The following SLC7A11 variants were observed in gnomAD, a reference collection of about 807,000 sequenced individuals.
SLC7A11 encodes the protein solute carrier family 7 member 11.
In SLC7A11, 35 loss-of-function variants were observed where a neutral mutation model predicts 54.5. That is an observed-to-expected ratio of 0.64 (90% CI 0.49 to 0.85). The LOEUF (loss-of-function observed/expected upper bound fraction) is 0.85. SLC7A11 is among the 40% of genes least tolerant of loss of function. The pLI is 0.00. For missense variants in SLC7A11, 583 were observed against 618.1 expected, an observed-to-expected ratio of 0.94 and a Z score of 0.60; for synonymous variants, 230 against 225.2, an observed-to-expected ratio of 1.02 and a Z score of -0.19.
At chr4:138,181,373 G>T (rs1437531808) in intron 9 of SLC7A11, among the ~76,000 whole-genome samples, 3 of 152,002 alleles carry the variant, frequency 2.0e-5, no homozygotes, top group Admixed American at 6.6e-5. Flanking sequence ...CCACGGAGAA[G>T]AATGAAGCGC....
chr4:138,204,732 A>C (rs1737366948), intron 6 of SLC7A11, among the ~76,000 whole-genome samples: 1 of 88,000 alleles, frequency 1.1e-5, no homozygotes, highest in South Asian at 3.5e-4. Flanking sequence ...GTTAAGAAGA[A>C]AAAAAAAAAT....
chr4:138,236,983 CTTTTTT>C (rs34896335), intron 1 of SLC7A11, among the ~76,000 whole-genome samples: 2 of 111,920 alleles, frequency 1.8e-5, no homozygotes, highest in African/African-American at 3.5e-5. Context: ...TGCAAGATTT[CTTTTTT>C]TTTTTTTTTT....
In SLC7A11 at chr4:138,168,185, C is replaced by T. The variant is rs888179276; in HGVS notation, c.*3771G>A. 6.6e-6 allele frequency: 1 copy of T among 152,156 alleles called. No individual in the cohort carries two copies. The highest frequency in any genetic ancestry group is 2.4e-5 in the African/African-American group (1 of 41,440). The allele number at this position is 152,156 out of a possible 1,614,324, so 9.4% of individuals were successfully genotyped here. ...CAAAATTAGTACAGAATTCCTAATACAAAGTTAGGTTCAGGACCTCGAATG... is the reference window on the plus strand; with the variant it reads ...CAAAATTAGTACAGAATTCCTAATATAAAGTTAGGTTCAGGACCTCGAATG... On this transcript the variant is annotated 3_prime_UTR_variant, in exon 12 of 12. Coordinates refer to ENST00000280612, the MANE Select transcript of SLC7A11 (RefSeq NM_014331.4).
Position 138,170,329 on chromosome 4 carries a change from T to G in SLC7A11, c.*1627A>C, listed in dbSNP as rs1288552489. On this transcript the variant is annotated 3_prime_UTR_variant, in exon 12 of 12. Transcript: ENST00000280612. ...ATATATATATATATATAATCTTTTT[T>G]TTTTGGAGATGGAGTCTGACTTTGT... 1.4e-5 allele frequency: 2 copies of G among 145,838 alleles called. No individual in the cohort carries two copies. The highest frequency in any genetic ancestry group is 5.0e-5 in the African/African-American group (2 of 39,718). 9.0% of individuals were successfully genotyped at this position (145,838 alleles called of 1,614,324 possible). A position where few individuals can be genotyped will look rare whatever the true frequency, so the allele number is the denominator to read the frequency against.
intron 10 of SLC7A11, 57 bp downstream of exon 10, chr4:138,180,584 G>T (rs1736712110): frequency 2.6e-6 from 4 of 1,538,108 alleles, no homozygotes; most frequent in East Asian, 4.7e-5. Context: ...ATGACAAAGG[G>T]AGGACTAGGT....
At chr4:138,199,492 G>A (rs916822436) in intron 6 of SLC7A11, among the ~76,000 whole-genome samples, 4 of 151,984 alleles carry the variant, frequency 2.6e-5, no homozygotes, top group African/African-American at 7.2e-5. Flanking sequence ...TTGTGTTCCC[G>A]TCATTTAAAA....
intron 4 of SLC7A11, among the ~76,000 whole-genome samples, chr4:138,221,272 G>A (rs1244087694): frequency 6.6e-6 from 1 of 152,256 alleles, no homozygotes; most frequent in African/African-American, 2.4e-5. Context: ...TATAACAGAG[G>A]TCTCATGAAG....
In SLC7A11 at chr4:138,165,585, T is replaced by G. The variant is rs974236210; in HGVS notation, c.*6371A>C. ...TGCAAAGTTCCCAAATGTTGAGAAG[T>G]TCTAGTGAAAAGTCATACTATTGTG... On this transcript the variant is annotated 3_prime_UTR_variant, in exon 12 of 12. Coordinates refer to ENST00000280612, the MANE Select transcript of SLC7A11 (RefSeq NM_014331.4). 2 of 152,124 alleles carry G rather than the reference T, an allele frequency of 1.3e-5. No homozygotes were observed. The highest frequency in any genetic ancestry group is 4.8e-5 in the African/African-American group (2 of 41,436). 9.4% of individuals were successfully genotyped at this position (152,124 alleles called of 1,614,324 possible).
intron 6 of SLC7A11, among the ~76,000 whole-genome samples, chr4:138,201,032 G>A (rs1283144430): frequency 6.6e-6 from 1 of 152,120 alleles, no homozygotes; most frequent in Admixed American, 6.6e-5. Context: ...AGATTCTTCG[G>A]AAGAGGTGGG....
At chr4:138,220,554 C>A (rs930239082) in intron 4 of SLC7A11, among the ~76,000 whole-genome samples, 3 of 151,934 alleles carry the variant, frequency 2.0e-5, no homozygotes, top group Non-Finnish European at 2.9e-5. Context: ...AACACTTCAC[C>A]TTTTTCTCTA....
At chr4:138,216,919 G>A (rs1022149351) in intron 5 of SLC7A11, among the ~76,000 whole-genome samples, 4 of 152,254 alleles carry the variant, frequency 2.6e-5, no homozygotes, top group Admixed American at 2.0e-4. Flanking sequence ...TCTTGAAAGC[G>A]AGAGAAAGGT....
At chr4:138,236,533 A>C in intron 1 of SLC7A11, 82 bp from the exon 2 acceptor site, 2 of 1,333,374 alleles carry the variant, frequency 1.5e-6, no homozygotes, top group Non-Finnish European at 2.1e-6. Flanking sequence ...AATAATGTTT[A>C]TATGTTGCCT....
Position 138,183,150 on chromosome 4 carries a change from A to G in SLC7A11, c.1019+52T>C, listed in dbSNP as rs1027312504. The stretch of plus-strand genomic sequence containing the variant: ...TTCTTTTTAAAGTTATCCTTATCAC[A>G]TCCAATCTCAAAAACAGAAATGTGT... On this transcript the variant is annotated intron_variant, in intron 8 of 11. Coordinates refer to ENST00000280612, the MANE Select transcript of SLC7A11 (RefSeq NM_014331.4). 3.1e-6 allele frequency: 4 copies of G among 1,270,878 alleles called. No individual in the cohort carries two copies. The African/African-American group carries it at 5.9e-5, about 19-fold the overall frequency. The allele number at this position is 1,270,878 out of a possible 1,614,324, so 78.7% of individuals were successfully genotyped here. A position where few individuals can be genotyped will look rare whatever the true frequency, so the allele number is the denominator to read the frequency against.
chr4:138,239,845 G>A (rs1186648526), intron 1 of SLC7A11, among the ~76,000 whole-genome samples: 1 of 152,186 alleles, frequency 6.6e-6, no homozygotes, highest in African/African-American at 2.4e-5. Flanking sequence ...AGTGGAAGCT[G>A]CATGCACATA....
At chr4:138,225,913 G>GAGGA (rs1737937531) in intron 3 of SLC7A11, among the ~76,000 whole-genome samples, 1 of 152,028 alleles carries the variant, frequency 6.6e-6, no homozygotes, top group South Asian at 2.1e-4. Flanking sequence ...GGCAGGCAGG[G>GAGGA]AGGAAGGAAG....
rs762890268 is a variant in SLC7A11 at position 138,166,007 on chromosome 4, C to A, written c.*5949G>T. 1.3e-5 allele frequency: 2 copies of A among 152,110 alleles called. No individual in the cohort carries two copies. The highest frequency in any genetic ancestry group is 2.9e-5 in the Non-Finnish European group (2 of 68,004). 9.4% of individuals were successfully genotyped at this position (152,110 alleles called of 1,614,324 possible). ...ACTTGAAATAATTCATATACACAGT[C>A]ATTTAACATAGATCGTTTCTAGTCG... On this transcript the variant is annotated 3_prime_UTR_variant, in exon 12 of 12. Coordinates refer to ENST00000280612, the MANE Select transcript of SLC7A11 (RefSeq NM_014331.4).
intron 6 of SLC7A11, among the ~76,000 whole-genome samples, chr4:138,189,185 A>C (rs1392673954): frequency 1.3e-5 from 2 of 152,192 alleles, no homozygotes; most frequent in Non-Finnish European, 2.9e-5. Context: ...CTCCCCAGAA[A>C]TGAAAATGGC....
At position 138,166,820 on chromosome 4, in the gene SLC7A11, A is replaced by G. The variant is rs1736272634; in HGVS notation, c.*5136T>C. 1.3e-5 allele frequency: 2 copies of G among 152,182 alleles called. No individual in the cohort carries two copies. The highest frequency in any genetic ancestry group is 4.8e-5 in the African/African-American group (2 of 41,448). The allele number at this position is 152,182 out of a possible 1,614,324, so 9.4% of individuals were successfully genotyped here. On this transcript the variant is annotated 3_prime_UTR_variant, in exon 12 of 12. Coordinates refer to ENST00000280612, the MANE Select transcript of SLC7A11 (RefSeq NM_014331.4). ...AGGGAAAAAAATAACTACCAAGAAA[A>G]TAAAACTAATGGGTAGATTCACACT...
At position 138,183,303 on chromosome 4, in the gene SLC7A11, G is replaced by C; in HGVS notation, c.918C>G (p.Thr306=). The change falls in exon 8 of 12, where the codon ACC becomes ACG. Residue 306 remains threonine, a splice_region_variant and synonymous_variant. Transcript: ENST00000280612. ...ELLLSNAVAV[T]FSERLLGNFS... ...AATTTCCCAGTAGCCGCTCAGAAAA[G>C]GTCTAGTGAAAGAAAGAACGAAGCA... 1 of 1,606,110 alleles carries C rather than the reference G, an allele frequency of 6.2e-7. No individual in the cohort carries two copies. The highest frequency in any genetic ancestry group is 1.1e-5 in the South Asian group (1 of 90,420).
Sources: gnomAD v4.1 joint callset for allele counts (sites outside exome capture counted in the v4.1 genomes callset) on GRCh38, gnomAD v4.1.1 for gene constraint, MANE v1.5 for transcripts, NCBI Gene and HGNC (gene_info 2026-07-23, HGNC 2026-07-21) for gene names.